Variants in CDH18 observed in about 807,000 individuals in gnomAD.
The protein encoded by CDH18 is cadherin-18.
CDH18 carries 31 observed loss-of-function variants against 67.9 expected under a neutral mutation model. The observed-to-expected ratio is 0.46, with a 90% confidence interval of 0.34 to 0.62. CDH18 has a LOEUF of 0.62. Ranked by LOEUF, CDH18 falls within the 20% of genes least tolerant of loss-of-function variation. The pLI is 0.01. For missense variants in CDH18, 890 were observed against 975.5 expected (o/e 0.91, Z 1.17); for synonymous variants, 362 against 347.2 (o/e 1.04, Z -0.48).
intron 5 of CDH18, among the ~76,000 whole-genome samples, chr5:19,642,324 A>G (rs1211504201): frequency 6.6e-6 from 1 of 152,072 alleles, no homozygotes; most frequent in Non-Finnish European, 1.5e-5. Context: ...AATAGAAAAA[A>G]AAATCCTAAA....
intron 5 of CDH18, among the ~76,000 whole-genome samples, chr5:19,669,122 T>G (rs951824568): frequency 1.5e-4 from 22 of 146,916 alleles, no homozygotes; most frequent in African/African-American, 5.4e-4. Context: ...ATATAATATA[T>G]ATTATATAAT....
At chr5:19,529,034 T>C (rs1380506415) in intron 9 of CDH18, among the ~76,000 whole-genome samples, 3 of 151,584 alleles carry the variant, frequency 2.0e-5, no homozygotes, top group Non-Finnish European at 3.0e-5. Flanking sequence ...TGGCCTGCCA[T>C]CACAAAGGAT....
At chr5:20,064,696 C>T (rs1292951501) in intron 2 of CDH18, among the ~76,000 whole-genome samples, 2 of 151,950 alleles carry the variant, frequency 1.3e-5, no homozygotes, top group East Asian at 1.9e-4. Context: ...CAATTAAACG[C>T]CGATTCTCGG....
At chr5:19,485,017 G>C (rs1200889582) in intron 11 of CDH18, among the ~76,000 whole-genome samples, 1 of 152,078 alleles carries the variant, frequency 6.6e-6, no homozygotes, top group Non-Finnish European at 1.5e-5. Context: ...GTTTATAACA[G>C]TCACAGTGCA....
chr5:20,367,456 C>G (rs753651398), intron 1 of CDH18, among the ~76,000 whole-genome samples: 1 of 152,086 alleles, frequency 6.6e-6, no homozygotes, highest in Admixed American at 6.5e-5. Context: ...CCAAAGGAGG[C>G]GGGTTCTATG....
chr5:20,331,182 G>T (rs898368815), intron 1 of CDH18, among the ~76,000 whole-genome samples: 9 of 152,166 alleles, frequency 5.9e-5, no homozygotes, highest in African/African-American at 2.2e-4. Context: ...TACCCTTTGG[G>T]AAATTCAGGA....
intron 2 of CDH18, among the ~76,000 whole-genome samples, chr5:19,852,751 T>C (rs148628314): frequency 1.0e-3 from 153 of 152,140 alleles, no homozygotes; most frequent in African/African-American, 3.4e-3. Flanking sequence ...ACCCATACTC[T>C]ACCTACACAT....
In CDH18 at chr5:20,538,044, C is replaced by T. The variant is rs544750109; in HGVS notation, c.-580+37418G>A. ...CCATTCTATTTTTTGATAGGAAATA[C>T]ACCTTCAATTTTGACCCATAAGCTC... is the stretch of plus-strand genomic sequence containing the variant. On this transcript the variant is annotated intron_variant, in intron 1 of 14. Coordinates refer to the CDH18 transcript ENST00000507958. Among the ~76,000 whole-genome samples the T allele has an allele frequency of 2.0e-5, 3 of 152,216 alleles. No individual in the cohort carries two copies. The South Asian group carries it at 6.2e-4, about 32-fold the overall frequency.
At chr5:20,266,844 CTT>C (rs892741233) in intron 1 of CDH18, among the ~76,000 whole-genome samples, 1 of 151,900 alleles carries the variant, frequency 6.6e-6, no homozygotes, top group Non-Finnish European at 1.5e-5. Context: ...CAGAGAGTGT[CTT>C]ATACAATTTA....
intron 4 of CDH18, among the ~76,000 whole-genome samples, chr5:19,740,515 T>G (rs1768964691): frequency 6.6e-6 from 1 of 152,148 alleles, no homozygotes; most frequent in African/African-American, 2.4e-5. Flanking sequence ...GATAAAATTA[T>G]TCTTGTTTTA....
At position 19,935,878 on chromosome 5, in the gene CDH18, AT is replaced by A. The variant is rs1311513096; in HGVS notation, c.-257+45181del. Among the ~76,000 whole-genome samples the A allele has an allele frequency of 1.4e-3, 166 of 116,092 alleles. No homozygotes were observed. The South Asian group carries it at 0.02, about 14-fold the overall frequency. 76.2% of individuals were successfully genotyped at this position (116,092 alleles called of 152,430 possible). Reference sequence around the variant, plus strand: ...CTCAATGCTCATTTCCAAACTTGTGATTTTTTTTTTTGTTCCTGATGTGTTT... The same window carrying A: ...CTCAATGCTCATTTCCAAACTTGTGATTTTTTTTTTGTTCCTGATGTGTTT... On this transcript the variant is annotated intron_variant, in intron 2 of 12. Transcript: ENST00000382275.
At position 19,834,247 on chromosome 5, in the gene CDH18, G is replaced by T. The variant is rs115762602; in HGVS notation, c.228+4512C>A. Among the ~76,000 whole-genome samples, 1,354 of 151,418 alleles carry T rather than the reference G, an allele frequency of 8.9e-3. 15 individuals are homozygous for T. Among genetic ancestry groups the T allele is most frequent in the African/African-American group, 0.027 (1,126 of 41,264 alleles). On this transcript the variant is annotated intron_variant, in intron 3 of 12. Transcript: ENST00000382275. ...AGGGACTTAACTTATTCCTGGCTTAGTCGTAGTAGGGTGTATACATCCAGG... is the reference window on the plus strand; with the variant it reads ...AGGGACTTAACTTATTCCTGGCTTATTCGTAGTAGGGTGTATACATCCAGG...
At chr5:19,594,872 A>G (rs1207558839) in intron 6 of CDH18, among the ~76,000 whole-genome samples, 1 of 152,190 alleles carries the variant, frequency 6.6e-6, no homozygotes, top group Admixed American at 6.5e-5. Flanking sequence ...CAATAAGATC[A>G]GGAACAAAGC....
chr5:20,011,847 T>C (rs1171612238), intron 2 of CDH18, among the ~76,000 whole-genome samples: 5 of 152,092 alleles, frequency 3.3e-5, no homozygotes, highest in South Asian at 4.1e-4. Flanking sequence ...TGGATTCGTA[T>C]TGTCAGTATT....
At chr5:20,444,084 T>C (rs1749826678) in intron 1 of CDH18, among the ~76,000 whole-genome samples, 1 of 151,920 alleles carries the variant, frequency 6.6e-6, no homozygotes, top group African/African-American at 2.4e-5. Flanking sequence ...TCTAATAGCT[T>C]AGTATTGTCC....
chr5:19,904,624 T>C (rs1430902930), intron 2 of CDH18, among the ~76,000 whole-genome samples: 1 of 152,196 alleles, frequency 6.6e-6, no homozygotes, highest in Admixed American at 6.5e-5. Context: ...CTCTGTAAAT[T>C]AGCTAGATAC....
chr5:19,965,582 A>T (rs1473240205), intron 2 of CDH18, among the ~76,000 whole-genome samples: 1 of 152,234 alleles, frequency 6.6e-6, no homozygotes, highest in African/African-American at 2.4e-5. Flanking sequence ...AAGTTGAATC[A>T]GTGTGCTAGA....
chr5:19,663,804 G>A (rs532766910), intron 5 of CDH18, among the ~76,000 whole-genome samples: 143 of 151,406 alleles, frequency 9.4e-4, no homozygotes, highest in African/African-American at 3.2e-3. Context: ...AATGATATCC[G>A]GTGTTATATG....
intron 1 of CDH18, among the ~76,000 whole-genome samples, chr5:20,447,172 CT>C: frequency 6.6e-6 from 1 of 152,104 alleles, no homozygotes; most frequent in Middle Eastern, 3.4e-3. Context: ...CTCTCCTTCC[CT>C]TTTTCTGTTT....
Sources: allele counts gnomAD v4.1 joint callset (sites outside exome capture counted in the v4.1 genomes callset), GRCh38; gene constraint gnomAD v4.1.1; transcripts MANE v1.5; gene names NCBI Gene and HGNC (gene_info 2026-07-23, HGNC 2026-07-21).